BCKDHB: variants seen among roughly 807,000 people sequenced by gnomAD.
The protein encoded by BCKDHB is 2-oxoisovalerate dehydrogenase subunit beta, mitochondrial.
Under a neutral mutation model 48.5 loss-of-function variants are expected in BCKDHB, and 41 were observed. The ratio of observed to expected loss-of-function variants is 0.85; its 90% CI spans 0.66 to 1.10. The LOEUF (loss-of-function observed/expected upper bound fraction) is 1.10, where lower values mean the gene tolerates loss of function less well. Among genes scored for constraint, BCKDHB ranks in the 50% least tolerant of loss-of-function variants. The pLI, the probability that BCKDHB is intolerant of heterozygous loss-of-function variation, is 0.00. For missense variants in BCKDHB, 496 were observed against 494.2 expected, an observed-to-expected ratio of 1.00 and a Z score of -0.03; for synonymous variants, 201 against 174.8, an observed-to-expected ratio of 1.15 and a Z score of -1.18.
chr6:80,226,470 A>G (rs1775681968), intron 8 of BCKDHB, among the ~76,000 whole-genome samples: 1 of 152,240 alleles, frequency 6.6e-6, no homozygotes, highest in Admixed American at 6.5e-5. Context: ...AGCCAGAGCT[A>G]CAAAAGTAGG....
At chr6:80,113,316 C>T (rs573643290) in intron 1 of BCKDHB, among the ~76,000 whole-genome samples, 6 of 152,316 alleles carry the variant, frequency 3.9e-5, no homozygotes, top group Non-Finnish European at 8.8e-5. Context: ...TGGAAAGTGG[C>T]CCTGGCCAGT....
At chr6:80,323,306 ATTGTG>A (rs1768844863) in intron 9 of BCKDHB, among the ~76,000 whole-genome samples, 1 of 152,116 alleles carries the variant, frequency 6.6e-6, no homozygotes, top group African/African-American at 2.4e-5. Context: ...CTTTTGAAGT[ATTGTG>A]TTGTTTGTGA....
At chr6:80,435,210 T>G in the BCKDHB span, among the ~76,000 whole-genome samples, 1 of 152,222 alleles carries the variant, frequency 6.6e-6, no homozygotes, top group East Asian at 1.9e-4. Context: ...TTACGTCACA[T>G]GAACCTCTAT....
chr6:80,321,905 TC>T (rs1768746928), intron 9 of BCKDHB, among the ~76,000 whole-genome samples: 1 of 152,150 alleles, frequency 6.6e-6, no homozygotes, highest in Admixed American at 6.5e-5. Flanking sequence ...TTTTCTGACT[TC>T]ATATATGTAT....
At chr6:80,257,475 G>A (rs1361919298) in intron 8 of BCKDHB, among the ~76,000 whole-genome samples, 6 of 150,414 alleles carry the variant, frequency 4.0e-5, no homozygotes, top group African/African-American at 1.5e-4. Context: ...AATAAATAAT[G>A]TAACAGTATA....
At position 80,167,694 on chromosome 6, in the gene BCKDHB, T is replaced by C. The variant is rs770355362; in HGVS notation, c.360T>C (p.Phe120=). The C allele has an allele frequency of 2.5e-6, 4 of 1,610,504 alleles. No individual in the cohort carries two copies. The Admixed American group carries it at 5.0e-5, about 20-fold the overall frequency. The change falls in exon 4 of 10, where the codon TTT becomes TTC. Residue 120 remains phenylalanine, a synonymous_variant. Coordinates refer to ENST00000320393, the MANE Select transcript of BCKDHB (RefSeq NM_183050.4). ...TATTTTAAGGAAAAGATAGAGTTTT[T>C]AATACCCCATTGTGTGAACAAGGAA... ...LRDKYGKDRV[F]NTPLCEQGIV...
At chr6:80,385,711 C>G in the BCKDHB span, among the ~76,000 whole-genome samples, 1 of 152,146 alleles carries the variant, frequency 6.6e-6, no homozygotes, top group Admixed American at 6.5e-5. Context: ...GACTAAAGTC[C>G]TGGTGGGACT....
chr6:80,246,246 A>G (rs867923342), intron 8 of BCKDHB, among the ~76,000 whole-genome samples: 1 of 152,316 alleles, frequency 6.6e-6, no homozygotes. Flanking sequence ...CAGAAATGTG[A>G]GTTTCTCAGT....
the BCKDHB span, among the ~76,000 whole-genome samples, chr6:80,414,999 TTCTGTG>T: frequency 4.1e-5 from 2 of 49,290 alleles, no homozygotes; most frequent in Non-Finnish European, 1.1e-4. Flanking sequence ...TCTTAGGTAT[TTCTGTG>T]TGTGTGTGTG....
chr6:80,461,527 C>G, the BCKDHB span, among the ~76,000 whole-genome samples: 3 of 152,112 alleles, frequency 2.0e-5, no homozygotes, highest in Non-Finnish European at 2.9e-5. Context: ...TCATTTCTTT[C>G]ACCTGATGAA....
the BCKDHB span, chr6:80,441,032 A>G: frequency 1.3e-5 from 2 of 152,140 alleles, no homozygotes; most frequent in Admixed American, 6.6e-5. Context: ...CCTGAGCTCA[A>G]AAGGTCTATT....
intron 3 of BCKDHB, among the ~76,000 whole-genome samples, chr6:80,138,530 G>A (rs2127738563): frequency 6.6e-6 from 1 of 152,100 alleles, no homozygotes; most frequent in South Asian, 2.1e-4. Flanking sequence ...ACCTATGAGT[G>A]AGAATATGTG....
chr6:80,391,558 T>C, the BCKDHB span, among the ~76,000 whole-genome samples: 4 of 152,166 alleles, frequency 2.6e-5, no homozygotes, highest in Admixed American at 1.3e-4. Flanking sequence ...GGTTATTCCC[T>C]AGAGCCTCTA....
intron 9 of BCKDHB, among the ~76,000 whole-genome samples, chr6:80,325,029 G>C (rs150404954): frequency 6.6e-6 from 1 of 152,278 alleles, no homozygotes; most frequent in Admixed American, 6.5e-5. Context: ...TATTTTACAT[G>C]TGCAAATTAT....
chr6:80,246,610 A>G (rs1354255182), intron 8 of BCKDHB, among the ~76,000 whole-genome samples: 1 of 152,174 alleles, frequency 6.6e-6, no homozygotes, highest in Non-Finnish European at 1.5e-5. Context: ...AGGGCAGTGT[A>G]AAGCTTTCAG....
At chr6:80,398,953 A>C in the BCKDHB span, among the ~76,000 whole-genome samples, 18 of 152,248 alleles carry the variant, frequency 1.2e-4, no homozygotes, top group African/African-American at 4.3e-4. Context: ...ACATCCACAA[A>C]TCAATAAATC....
chr6:80,146,881 A>C, intron 3 of BCKDHB, among the ~76,000 whole-genome samples: 1 of 152,186 alleles, frequency 6.6e-6, no homozygotes. Context: ...GAAGGCTGGG[A>C]AATGTAGTCT....
At chr6:80,328,150 A>G (rs1422867596) in intron 9 of BCKDHB, among the ~76,000 whole-genome samples, 1 of 152,194 alleles carries the variant, frequency 6.6e-6, no homozygotes, top group Non-Finnish European at 1.5e-5. Context: ...CCTGAGAGAT[A>G]TTAAGATAAG....
intron 5 of BCKDHB, 152 bp downstream of exon 5, chr6:80,169,182 C>T: frequency 9.2e-7 from 1 of 1,084,584 alleles, no homozygotes; most frequent in Non-Finnish European, 1.3e-6. Flanking sequence ...GGGAGGTTAG[C>T]AGTTCTTTTA....
Sources: allele counts gnomAD v4.1 joint callset (sites outside exome capture counted in the v4.1 genomes callset), GRCh38; gene constraint gnomAD v4.1.1; transcripts MANE v1.5; gene names NCBI Gene and HGNC (gene_info 2026-07-23, HGNC 2026-07-21).